FBN3: variants seen among roughly 807,000 people sequenced by gnomAD.
The protein encoded by FBN3 is fibrillin 3, also known as fibrillin-3.
In FBN3, 234 loss-of-function variants were observed where a neutral mutation model predicts 330.1. The observed-to-expected ratio is 0.71, with a 90% CI of 0.64 to 0.79. FBN3 has a LOEUF of 0.79. Ranked by LOEUF, FBN3 falls within the 30% of genes least tolerant of loss-of-function variation. FBN3 has a pLI of 0.00. For missense variants in FBN3, 3,606 were observed against 3,886.9 expected (o/e 0.93, Z 1.92); for synonymous variants, 1,458 against 1,517.3 (o/e 0.96, Z 0.91).
chr19:8,110,091 T>C (rs56121327), intron 34 of FBN3, among the ~76,000 whole-genome samples: 12,272 of 152,318 alleles, frequency 0.081, 935 homozygotes, highest in East Asian at 0.36. Flanking sequence ...GGTCTTGCTG[T>C]GTCGACCAGG....
intron 63 of FBN3, among the ~76,000 whole-genome samples, chr19:8,068,927 C>G (rs2081451901): frequency 6.6e-6 from 1 of 152,046 alleles, no homozygotes; most frequent in Non-Finnish European, 1.5e-5. Context: ...CAGACCCCTG[C>G]CAGCCTGGGC....
chr19:8,109,630 C>T lies in FBN3; in HGVS notation c.4456+1G>A. ...TGATCTGGAGTTGAGCATGGACTCA[C>T]CCACGCAGCCCACTCCGCTGGGGTT... On this transcript the variant is annotated splice_donor_variant, in intron 35 of 63. Coordinates refer to ENST00000600128, the MANE Select transcript of FBN3 (RefSeq NM_032447.5). LOFTEE classifies it high-confidence loss of function. The surrounding 1 kb of genome is among the most constrained non-coding windows in gnomAD (Gnocchi z 5.2). 1 of 1,592,556 alleles carries T rather than the reference C, an allele frequency of 6.3e-7. No individual in the cohort carries two copies. The highest frequency in any genetic ancestry group is 8.6e-7 in the Non-Finnish European group (1 of 1,168,960).
intron 26 of FBN3, among the ~76,000 whole-genome samples, chr19:8,118,170 C>T (rs746938726): frequency 2.6e-5 from 4 of 152,120 alleles, no homozygotes; most frequent in Admixed American, 1.3e-4. Context: ...GAGGTACACC[C>T]ACACAGACCC....
chr19:8,129,238 A>C lies in FBN3; in HGVS notation c.2170+2T>G, dbSNP rs745481569. On this transcript the variant is annotated splice_donor_variant, in intron 17 of 63. Coordinates refer to ENST00000600128, the MANE Select transcript of FBN3 (RefSeq NM_032447.5). LOFTEE classifies it high-confidence loss of function. This position sits in a 1 kb window ranked among gnomAD's most constrained non-coding sequence, Gnocchi z 4.5. ...CATCCGCCCGCCAGGTGGCATGCTC[A>C]CCTGTGCAGTCCTTGCCTGAGGCAC... 1.2e-5 allele frequency: 20 copies of C among 1,613,840 alleles called. No individual in the cohort carries two copies. Among genetic ancestry groups the C allele is most frequent in the Non-Finnish European group, 1.7e-5 (20 of 1,179,966 alleles).
Position 8,115,606 on chromosome 19 carries a change from G to A in FBN3, c.3747C>T (p.Cys1249=), listed in dbSNP as rs375995281. 6 of 1,613,976 alleles carry A rather than the reference G, an allele frequency of 3.7e-6. No homozygotes were observed. In the Admixed American group the frequency reaches 5.0e-5, roughly 13 times the overall value. The change falls in exon 30 of 64, where the codon TGC becomes TGT. Residue 1249 remains cysteine (C), a synonymous_variant. Coordinates refer to ENST00000600128, the MANE Select transcript of FBN3 (RefSeq NM_032447.5). ...TCGTGTTCTCGCAGTCCCCATGGAG[G>A]CAGATGTGAGGGTTCAGGTCACACT... ...VDECDLNPHI[C]LHGDCENTKG...
Position 8,086,204 on chromosome 19 carries a change from G to A in FBN3, c.6876C>T (p.Cys2292=). The A allele has an allele frequency of 6.3e-7, 1 of 1,591,366 alleles. No homozygotes were observed. The highest frequency in any genetic ancestry group is 8.6e-7 in the Non-Finnish European group (1 of 1,165,436). The change falls in exon 55 of 64, where the codon TGC becomes TGT. Residue 2292 remains cysteine, a synonymous_variant. Transcript: ENST00000600128. ...GFQPSPTLTE[C]HDIRQGPCFA... ...TGCGTGTCCAGCCACACTCACCGTG[G>A]CACTCGGTAAGGGTGGGGCTGGGCT...
chr19:8,123,845 C>T lies in FBN3; in HGVS notation c.2895G>A (p.Leu965=), dbSNP rs1280812531. 3.1e-6 allele frequency: 5 copies of T among 1,612,866 alleles called. No homozygotes were observed. The highest frequency in any genetic ancestry group is 3.3e-4 in the Middle Eastern group (2 of 6,062). ...TGGCGAAGCCCAGCCCCCGCGGGCA[C>T]AGGCTGGCGAACTCCAGAGACTCGG... ...PDPESLEFAS[L]CPRGLGFASR... Residue 965 remains leucine (L), a synonymous_variant, in exon 23 of 64, where the codon CTG becomes CTA. Transcript: ENST00000600128.
intron 39 of FBN3, among the ~76,000 whole-genome samples, chr19:8,103,125 G>C (rs1193711075): frequency 6.6e-6 from 1 of 151,532 alleles, no homozygotes; most frequent in African/African-American, 2.4e-5. Flanking sequence ...AAATTAGCTA[G>C]GTGTGGTGGC....
chr19:8,082,461 CCTT>C (rs1158562980), intron 57 of FBN3, among the ~76,000 whole-genome samples: 18 of 6,224 alleles, frequency 2.9e-3, no homozygotes, highest in Middle Eastern at 0.05. Context: ...CCCTTCCCTT[CCTT>C]CCTTCCTTCC....
In FBN3 at chr19:8,110,912, C is replaced by T; in HGVS notation, c.4266G>A (p.Leu1422=). ...NLCAFGSCEN[L]PGMFRCICNG... ...TGCAGATGCAGCGGAACATTCCAGG[C>T]AGGTTCTCACAGCTCCCAAATGCAC... The change falls in exon 34 of 64, where the codon CTG becomes CTA. Residue 1422 remains leucine (L), a synonymous_variant. Transcript: ENST00000600128. The T allele has an allele frequency of 1.9e-6, 3 of 1,614,230 alleles. No individual in the cohort carries two copies. Among genetic ancestry groups the T allele is most frequent in the Non-Finnish European group, 2.5e-6 (3 of 1,180,040 alleles).
chr19:8,080,933 T>C, intron 59 of FBN3, 70 bp downstream of exon 59: 1 of 1,177,226 alleles, frequency 8.5e-7, no homozygotes, highest in Non-Finnish European at 1.3e-6. Flanking sequence ...ACTTGATATT[T>C]TTTTGGTGAG....
At chr19:8,066,442 A>AT (rs2081392559) in intron 63 of FBN3, among the ~76,000 whole-genome samples, 182 bp from the exon 64 acceptor site, 1 of 152,218 alleles carries the variant, frequency 6.6e-6, no homozygotes, top group African/African-American at 2.4e-5. Flanking sequence ...GGAGGTCATT[A>AT]TCCTAAGCTA....
intron 59 of FBN3, among the ~76,000 whole-genome samples, chr19:8,075,620 C>T (rs563579721): frequency 1.3e-5 from 2 of 152,308 alleles, no homozygotes; most frequent in African/African-American, 4.8e-5. Flanking sequence ...AATCTCATCT[C>T]CACCGCCTCG....
Position 8,090,216 on chromosome 19 carries a change from C to T in FBN3, c.6067G>A (p.Ala2023Thr). 2 of 1,614,010 alleles carry T rather than the reference C, an allele frequency of 1.2e-6. No individual in the cohort carries two copies. The highest frequency in any genetic ancestry group is 1.7e-5 in the Admixed American group (1 of 60,008). Reference protein sequence around the residue: ...RQSFCFTRFEAGKCSVPKAFN... With the variant: ...RQSFCFTRFETGKCSVPKAFN... ...GCTTTGGGCACCGAGCACTTCCCAG[C>T]CTCAAAACGGGTGAAGCAGAAACTC... Residue 2023 changes from alanine to threonine, a missense_variant, in exon 49 of 64, where the codon GCT becomes ACT. By Grantham distance (58) the Ala-to-Thr change is moderately conservative (BLOSUM62 0). Coordinates refer to ENST00000600128, the MANE Select transcript of FBN3 (RefSeq NM_032447.5).
chr19:8,097,145 G>C, intron 42 of FBN3, 139 bp from the exon 43 acceptor site: 5 of 1,464,796 alleles, frequency 3.4e-6, no homozygotes, highest in Non-Finnish European at 4.6e-6. Context: ...GGTTATATGA[G>C]ATGGAGGCCC....
chr19:8,090,926 A>C (rs1215152690), intron 48 of FBN3, among the ~76,000 whole-genome samples: 1 of 152,212 alleles, frequency 6.6e-6, no homozygotes, highest in Non-Finnish European at 1.5e-5. Flanking sequence ...GACTGATTCC[A>C]GAAAGCCCGA....
In FBN3 at chr19:8,123,599, A is replaced by G. The variant is rs756354560; in HGVS notation, c.2957-10T>C. The G allele has an allele frequency of 6.2e-7, 1 of 1,613,862 alleles. No homozygotes were observed. The highest frequency in any genetic ancestry group is 2.2e-5 in the East Asian group (1 of 44,870). On this transcript the variant is annotated splice_polypyrimidine_tract_variant and intron_variant, in intron 23 of 63. Coordinates refer to ENST00000600128, the MANE Select transcript of FBN3 (RefSeq NM_032447.5). ...TTGCATTCATTCACATCTGAAGTAC[A>G]GGGGCATCAAACCACCCTGACGTCC...
Position 8,126,490 on chromosome 19 carries a change from G to A in FBN3, c.2532C>T (p.Ser844=), listed in dbSNP as rs748035078. 3 of 1,613,152 alleles carry A rather than the reference G, an allele frequency of 1.9e-6. No individual in the cohort carries two copies. The South Asian group carries it at 3.3e-5, about 18-fold the overall frequency. ...CCATLGAAWG[S]PCERCEIDPA... ...TACCGATCTCGCAGCGTTCGCAGGG[G>A]CTCCCCCAGGCTGCCCCGAGGGTGG... The change falls in exon 20 of 64, where the codon AGC becomes AGT. Residue 844 remains serine (S), a synonymous_variant. Transcript: ENST00000600128.
chr19:8,139,053 C>CA (rs2083353906), intron 8 of FBN3, among the ~76,000 whole-genome samples: 1 of 148,320 alleles, frequency 6.7e-6, no homozygotes, highest in Non-Finnish European at 1.5e-5. Context: ...GACTCCGTCT[C>CA]AAAAAAAATA....
Sources: allele counts gnomAD v4.1 joint callset (sites outside exome capture counted in the v4.1 genomes callset), GRCh38; gene constraint gnomAD v4.1.1; non-coding constraint Gnocchi (gnomAD v3.1); transcripts MANE v1.5; gene names NCBI Gene and HGNC (gene_info 2026-07-23, HGNC 2026-07-21).